Variants in SLC35F3 observed in about 807,000 individuals in gnomAD.
SLC35F3 encodes solute carrier family 35 member F3, also known as putative thiamine transporter SLC35F3.
SLC35F3 carries 25 observed loss-of-function variants against 49.9 expected under a neutral mutation model. The observed-to-expected ratio is 0.50, with a 90% CI of 0.37 to 0.70. The LOEUF (loss-of-function observed/expected upper bound fraction) is 0.70. Among genes scored for constraint, SLC35F3 ranks in the 30% least tolerant of loss-of-function variants. The pLI is 0.00. For missense variants in SLC35F3, 525 were observed against 639.8 expected (o/e 0.82, Z 1.94); for synonymous variants, 275 against 265.4 (o/e 1.04, Z -0.35).
intron 2 of SLC35F3, among the ~76,000 whole-genome samples, chr1:234,005,705 G>T (rs1663618407): frequency 1.3e-5 from 2 of 152,184 alleles, no homozygotes; most frequent in South Asian, 4.1e-4. Flanking sequence ...GGGGCAGGAA[G>T]AGGCGCCCTA....
intron 3 of SLC35F3, among the ~76,000 whole-genome samples, chr1:234,300,202 G>A (rs961892964): frequency 1.1e-4 from 17 of 152,180 alleles, no homozygotes; most frequent in African/African-American, 3.4e-4. Context: ...GAACAGAAAC[G>A]CAGTGCTACT....
chr1:234,117,954 G>A (rs1178062995), intron 2 of SLC35F3, among the ~76,000 whole-genome samples: 563 of 25,176 alleles, frequency 0.022, 26 homozygotes, highest in African/African-American at 0.066. Context: ...GTGTGTGTGT[G>A]TGTGTGTGTG....
intron 2 of SLC35F3, among the ~76,000 whole-genome samples, chr1:233,936,830 AG>A (rs1361547492): frequency 8.5e-5 from 13 of 152,098 alleles, no homozygotes; most frequent in African/African-American, 2.9e-4. Context: ...CTGGGACTGC[AG>A]GTGTGTGCCA....
intron 2 of SLC35F3, among the ~76,000 whole-genome samples, chr1:234,141,785 C>G (rs760758264): frequency 2.0e-5 from 3 of 152,154 alleles, no homozygotes; most frequent in Non-Finnish European, 2.9e-5. Context: ...AACCTTTTGC[C>G]TAAAATACTC....
chr1:234,096,859 G>A (rs117332304), intron 2 of SLC35F3, among the ~76,000 whole-genome samples: 100 of 151,542 alleles, frequency 6.6e-4, no homozygotes, highest in East Asian at 4.5e-3. Context: ...TTGCTGGATC[G>A]AACGGTAAAT....
chr1:233,935,868 C>T (rs1662318433), intron 2 of SLC35F3, among the ~76,000 whole-genome samples: 1 of 152,178 alleles, frequency 6.6e-6, no homozygotes, highest in Non-Finnish European at 1.5e-5. Flanking sequence ...GGTATGGATG[C>T]CTCCTTTTTC....
At chr1:234,176,754 T>C (rs1031078856) in intron 2 of SLC35F3, among the ~76,000 whole-genome samples, 2 of 152,132 alleles carry the variant, frequency 1.3e-5, no homozygotes, top group Non-Finnish European at 2.9e-5. Flanking sequence ...AGACTGAACT[T>C]GAACATCTAC....
chr1:234,093,677 G>T (rs1665077046), intron 2 of SLC35F3, among the ~76,000 whole-genome samples: 1 of 152,232 alleles, frequency 6.6e-6, no homozygotes, highest in African/African-American at 2.4e-5. Flanking sequence ...GACCAGGGTG[G>T]AAAGTCTGTT....
chr1:234,084,028 G>A (rs1428892676), intron 2 of SLC35F3, among the ~76,000 whole-genome samples: 1 of 151,888 alleles, frequency 6.6e-6, no homozygotes, highest in African/African-American at 2.4e-5. Context: ...TAGTAGAGAT[G>A]GGGTTTCTCC....
In SLC35F3 at chr1:234,245,942, T is replaced by C. The variant is rs375870851; in HGVS notation, c.608+14201T>C. Among the ~76,000 whole-genome samples the C allele has an allele frequency of 1.8e-4, 27 of 152,236 alleles. No homozygotes were observed. The East Asian group carries it at 2.1e-3, about 12-fold the overall frequency. The stretch of plus-strand genomic sequence containing the variant: ...AGTGTCACTTCCACCATAGTTTATG[T>C]CAAGGCAGTTACGAGCCTGCCCAGT... On this transcript the variant is annotated intron_variant, in intron 3 of 7. Transcript: ENST00000366618.
rs1226784830 is a variant in SLC35F3, at chr1:234,323,368, A to G, written c.*125A>G. On this transcript the variant is annotated 3_prime_UTR_variant, in exon 8 of 8. Coordinates refer to ENST00000366618, the MANE Select transcript of SLC35F3 (RefSeq NM_173508.4). This position sits in a 1 kb window ranked among gnomAD's most constrained non-coding sequence, Gnocchi z 4.5. ...ATCTGCGGTAAGTTCTATGGTATTT[A>G]TTGGCATGTCCAATTTGCTTGCACT... is the stretch of plus-strand genomic sequence containing the variant. The G allele has an allele frequency of 2.1e-5, 16 of 751,682 alleles. No homozygotes were observed. The highest frequency in any genetic ancestry group is 3.5e-5 in the Non-Finnish European group (16 of 460,798). 46.6% of individuals were successfully genotyped at this position (751,682 alleles called of 1,614,324 possible).
intron 2 of SLC35F3, among the ~76,000 whole-genome samples, chr1:234,165,908 C>T (rs1324562557): frequency 6.6e-6 from 1 of 152,156 alleles, no homozygotes; most frequent in Non-Finnish European, 1.5e-5. Context: ...TGCCTTTGCG[C>T]ACTCATAGCT....
intron 2 of SLC35F3, among the ~76,000 whole-genome samples, chr1:234,029,325 A>G (rs1034960262): frequency 6.6e-6 from 1 of 152,216 alleles, no homozygotes; most frequent in African/African-American, 2.4e-5. Flanking sequence ...ATGGAGGAGC[A>G]TTCCCGCAGA....
intron 2 of SLC35F3, among the ~76,000 whole-genome samples, chr1:234,119,733 G>A (rs34546351): frequency 0.14 from 21,085 of 152,196 alleles, 3,200 homozygotes; most frequent in East Asian, 0.81. Context: ...AGTATTAGGG[G>A]TGGGGAAATG....
chr1:234,081,824 G>T (rs893415933), intron 2 of SLC35F3, among the ~76,000 whole-genome samples: 2 of 148,756 alleles, frequency 1.3e-5, no homozygotes. Context: ...TGCAAGCTCC[G>T]CCTCCCAGGT....
At chr1:234,059,178 G>A (rs930877428) in intron 2 of SLC35F3, among the ~76,000 whole-genome samples, 1 of 150,404 alleles carries the variant, frequency 6.6e-6, no homozygotes, top group Non-Finnish European at 1.5e-5. Context: ...ATATCGGTAA[G>A]TTCCACTGTA....
chr1:234,320,222 GCACACA>G lies in SLC35F3; in HGVS notation c.1237+39_1237+44del. 3 of 1,472,938 alleles carry G rather than the reference GCACACA, an allele frequency of 2.0e-6. No individual in the cohort carries two copies. The highest frequency in any genetic ancestry group is 2.9e-6 in the Non-Finnish European group (3 of 1,052,514). The allele number at this position is 1,472,938 out of a possible 1,614,324, so 91.2% of individuals were successfully genotyped here. A position where few individuals can be genotyped will look rare whatever the true frequency, so the allele number is the denominator to read the frequency against. On this transcript the variant is annotated intron_variant, in intron 7 of 7. Transcript: ENST00000366618. This position sits in a 1 kb window ranked among gnomAD's most constrained non-coding sequence, Gnocchi z 4.8. ...TGCGGCTTTCTATATCTGCACATAAGCACACACACTCAGTCACCTACTCACACACAC... is the reference window on the plus strand; with the variant it reads ...TGCGGCTTTCTATATCTGCACATAAGCACTCAGTCACCTACTCACACACAC...
chr1:233,938,644 G>A (rs1662371520), intron 2 of SLC35F3, among the ~76,000 whole-genome samples: 1 of 150,538 alleles, frequency 6.6e-6, no homozygotes, highest in Non-Finnish European at 1.5e-5. Context: ...ATGGATGGAT[G>A]GATGGAAGGA....
At chr1:234,245,417 C>CTG (rs1322378775) in intron 3 of SLC35F3, among the ~76,000 whole-genome samples, 1 of 152,180 alleles carries the variant, frequency 6.6e-6, no homozygotes, top group Non-Finnish European at 1.5e-5. Context: ...GTGAATAGTG[C>CTG]TGTGATAAAC....
Sources: gnomAD v4.1 joint callset for allele counts (sites outside exome capture counted in the v4.1 genomes callset) on GRCh38, gnomAD v4.1.1 for gene constraint, Gnocchi (gnomAD v3.1) non-coding constraint, MANE v1.5 for transcripts, NCBI Gene and HGNC (gene_info 2026-07-23, HGNC 2026-07-21) for gene names.